The following LRRC4C variants were observed in gnomAD, a reference collection of about 807,000 sequenced individuals.
LRRC4C encodes the protein leucine rich repeat containing 4C.
In LRRC4C, 5 loss-of-function variants were observed where a neutral mutation model predicts 33.6. That is an observed-to-expected ratio of 0.15 (90% confidence interval 0.08 to 0.31). The LOEUF (loss-of-function observed/expected upper bound fraction) is 0.31, where lower values mean the gene tolerates loss of function less well. Ranked by LOEUF, LRRC4C falls within the 10% of genes least tolerant of loss-of-function variation. The pLI is 1.00. For missense variants in LRRC4C, 560 were observed against 796.7 expected (o/e 0.70, Z 3.58); for synonymous variants, 329 against 302.0 (o/e 1.09, Z -0.93).
In LRRC4C at chr11:41,339,650, TA is replaced by T. The variant is rs147746716; in HGVS notation, c.-496+119780del. 9.4e-3 allele frequency among the ~76,000 whole-genome samples: 1,431 copies of T among 152,258 alleles called. 23 individuals carry two copies. Among genetic ancestry groups the T allele is most frequent in the African/African-American group, 0.032 (1,344 of 41,560 alleles). On this transcript the variant is annotated intron_variant, in intron 1 of 6. Transcript: ENST00000528697. ...AATGCTACCATGACTCAAACGCATT[TA>T]AAAAAATTACATCCAATTTATTTTT...
chr11:40,121,613 A>G (rs1855832927), intron 6 of LRRC4C, among the ~76,000 whole-genome samples: 1 of 152,220 alleles, frequency 6.6e-6, no homozygotes, highest in African/African-American at 2.4e-5. Context: ...TGATACTTTT[A>G]GCCTTGTCCC....
intron 3 of LRRC4C, among the ~76,000 whole-genome samples, chr11:40,549,650 T>C (rs1183432433): frequency 6.6e-6 from 1 of 152,220 alleles, no homozygotes; most frequent in Non-Finnish European, 1.5e-5. Flanking sequence ...ACAAGAATGC[T>C]TGTCAATGTA....
At chr11:40,496,629 T>A (rs1401375019) in intron 3 of LRRC4C, among the ~76,000 whole-genome samples, 2 of 152,138 alleles carry the variant, frequency 1.3e-5, no homozygotes, top group Non-Finnish European at 2.9e-5. Context: ...TGGTTGTCAA[T>A]CATTTTTCTG....
chr11:41,422,207 A>AC (rs1954893248), intron 1 of LRRC4C, among the ~76,000 whole-genome samples: 1 of 150,800 alleles, frequency 6.6e-6, no homozygotes, highest in Non-Finnish European at 1.5e-5. Flanking sequence ...TGGGACTCTA[A>AC]TTTTTTTTTC....
chr11:41,366,839 C>A (rs957573684), intron 1 of LRRC4C, among the ~76,000 whole-genome samples: 5 of 152,092 alleles, frequency 3.3e-5, no homozygotes, highest in African/African-American at 9.7e-5. Context: ...CTCAGACTTC[C>A]AGTCTCCAGA....
At chr11:40,143,932 G>A (rs550049908) in intron 5 of LRRC4C, among the ~76,000 whole-genome samples, 5 of 152,208 alleles carry the variant, frequency 3.3e-5, no homozygotes, top group African/African-American at 1.2e-4. Context: ...CTTCCTTGAG[G>A]GCTTTTCTGG....
chr11:40,586,566 T>A lies in LRRC4C; in HGVS notation c.-270+61576A>T, dbSNP rs1485206471. ...TCCTTGCCCATGCCTATGTCCTGAA[T>A]GGTAATGCCTAGGTTTTCTTCTAGG... On this transcript the variant is annotated intron_variant, in intron 3 of 6. Coordinates refer to ENST00000528697, the MANE Select transcript of LRRC4C (RefSeq NM_001258419.2). Among the ~76,000 whole-genome samples the A allele has an allele frequency of 4.0e-5, 6 of 149,140 alleles. No individual in the cohort carries two copies. The East Asian group carries it at 1.2e-3, about 29-fold the overall frequency.
At chr11:40,482,217 T>G (rs1953609258) in intron 3 of LRRC4C, among the ~76,000 whole-genome samples, 1 of 152,152 alleles carries the variant, frequency 6.6e-6, no homozygotes, top group Non-Finnish European at 1.5e-5. Context: ...CATGGATTAA[T>G]GACAGGTGAA....
At chr11:40,716,703 T>C (rs1293714021) in intron 2 of LRRC4C, among the ~76,000 whole-genome samples, 3 of 152,154 alleles carry the variant, frequency 2.0e-5, no homozygotes, top group Non-Finnish European at 4.4e-5. Context: ...CTTAAAACCA[T>C]ACTGAAAAAT....
At chr11:41,320,795 T>TG (rs1314871902) in intron 1 of LRRC4C, among the ~76,000 whole-genome samples, 40 of 152,252 alleles carry the variant, frequency 2.6e-4, no homozygotes, top group African/African-American at 9.1e-4. Flanking sequence ...CTCACACTCA[T>TG]AGTGTGAGAT....
At chr11:40,452,182 G>T (rs1044229247) in intron 3 of LRRC4C, among the ~76,000 whole-genome samples, 1 of 152,106 alleles carries the variant, frequency 6.6e-6, no homozygotes, top group Non-Finnish European at 1.5e-5. Context: ...TGACAAATGG[G>T]ATCTCATTAA....
At chr11:40,455,312 T>C (rs1006275193) in intron 3 of LRRC4C, among the ~76,000 whole-genome samples, 8 of 152,152 alleles carry the variant, frequency 5.3e-5, no homozygotes, top group Admixed American at 2.0e-4. Flanking sequence ...ACATGCTGCT[T>C]TTGTGTCCAT....
intron 3 of LRRC4C, among the ~76,000 whole-genome samples, chr11:40,613,048 C>T (rs1306477686): frequency 6.6e-6 from 1 of 151,806 alleles, no homozygotes; most frequent in Non-Finnish European, 1.5e-5. Context: ...AATCTTTTTG[C>T]TGGTGGAGGG....
chr11:40,697,436 A>C (rs1591491664), intron 2 of LRRC4C, among the ~76,000 whole-genome samples: 1 of 152,302 alleles, frequency 6.6e-6, no homozygotes, highest in Non-Finnish European at 1.5e-5. Flanking sequence ...TTGGATATAC[A>C]TTATTTTCTT....
chr11:40,561,890 A>C (rs1420780291), intron 3 of LRRC4C, among the ~76,000 whole-genome samples: 1 of 152,224 alleles, frequency 6.6e-6, no homozygotes, highest in African/African-American at 2.4e-5. Flanking sequence ...GCCGAAATTG[A>C]CAAATAGTTG....
At chr11:40,495,375 T>C (rs1404079664) in intron 3 of LRRC4C, among the ~76,000 whole-genome samples, 1 of 152,108 alleles carries the variant, frequency 6.6e-6, no homozygotes, top group African/African-American at 2.4e-5. Context: ...TATTTGGAAA[T>C]TTATATAGAG....
intron 5 of LRRC4C, among the ~76,000 whole-genome samples, chr11:40,198,683 G>A (rs534558973): frequency 1.3e-5 from 2 of 152,312 alleles, no homozygotes; most frequent in African/African-American, 4.8e-5. Context: ...TTCTGGATCT[G>A]AGATATGGAA....
intron 1 of LRRC4C, among the ~76,000 whole-genome samples, chr11:41,417,078 T>C (rs1242137985): frequency 6.6e-6 from 1 of 152,042 alleles, no homozygotes; most frequent in Non-Finnish European, 1.5e-5. Flanking sequence ...TAGCAACTCA[T>C]TTATAGGCCT....
chr11:41,212,496 ATGG>A (rs1316001994), intron 1 of LRRC4C, among the ~76,000 whole-genome samples: 2 of 152,206 alleles, frequency 1.3e-5, no homozygotes, highest in East Asian at 3.9e-4. Flanking sequence ...GGCATGTGCC[ATGG>A]TGGTTTGCTG....
Sources: allele counts gnomAD v4.1 joint callset (sites outside exome capture counted in the v4.1 genomes callset), GRCh38; gene constraint gnomAD v4.1.1; transcripts MANE v1.5; gene names NCBI Gene and HGNC (gene_info 2026-07-23, HGNC 2026-07-21).